Variants in NKX2-1 observed in about 807,000 individuals in gnomAD.
The protein encoded by NKX2-1 is homeobox protein Nkx-2.1.
Under a neutral mutation model 35.1 loss-of-function variants are expected in NKX2-1, and 9 were observed. The ratio of observed to expected loss-of-function variants is 0.26; its 90% CI spans 0.15 to 0.45. The LOEUF (loss-of-function observed/expected upper bound fraction) is 0.45, where lower values mean the gene tolerates loss of function less well. Among genes scored for constraint, NKX2-1 ranks in the 20% least tolerant of loss-of-function variants. The pLI is 1.00. For synonymous variants in NKX2-1, 284 were observed against 269.9 expected, an observed-to-expected ratio of 1.05 and a Z score of -0.51; for missense variants, 509 against 589.1, an observed-to-expected ratio of 0.86 and a Z score of 1.41.
In NKX2-1 at chr14:36,517,381, G is replaced by A; in HGVS notation, c.1103C>T (p.Ala368Val). 6.2e-7 allele frequency: 1 copy of A among 1,602,784 alleles called. No individual in the cohort carries two copies. Among genetic ancestry groups the A allele is most frequent in the African/African-American group, 1.3e-5 (1 of 74,836 alleles). The change falls in exon 3 of 3, where the codon GCG becomes GTG. Residue 368 changes from alanine (A) to valine (V), a missense_variant. By Grantham distance (64) the Ala-to-Val change is moderately conservative. This residue lies in a region of NKX2-1 where 212 missense variants were observed against 227.7 expected (regional missense o/e 0.93). Coordinates refer to ENST00000354822, the MANE Select transcript of NKX2-1 (RefSeq NM_001079668.3). Reference protein sequence around the residue: ...PDLAHHAASPAALQGQVSSLS... With the variant: ...PDLAHHAASPVALQGQVSSLS... The stretch of plus-strand genomic sequence containing the variant: ...GCTGGATACCTGGCCCTGCAGCGCC[G>A]CGGGGCTGGCGGCGTGGTGCGCCAG...
chr14:36,518,206 C>T (rs920535275), intron 2 of NKX2-1, among the ~76,000 whole-genome samples, 186 bp from the exon 3 acceptor site: 9 of 152,084 alleles, frequency 5.9e-5, no homozygotes, highest in Non-Finnish European at 1.2e-4. Context: ...GCCGTACCGT[C>T]GAGGGGGCTG....
In NKX2-1 at chr14:36,517,632, C is replaced by T. The variant is rs996063611; in HGVS notation, c.852G>A (p.Ser284=). The T allele has an allele frequency of 1.0e-5, 16 of 1,538,908 alleles. No individual in the cohort carries two copies. The highest frequency in any genetic ancestry group is 1.3e-5 in the Non-Finnish European group (15 of 1,144,532). Residue 284 remains serine (S), a synonymous_variant, in exon 3 of 3, where the codon TCG becomes TCA. Coordinates refer to ENST00000354822, the MANE Select transcript of NKX2-1 (RefSeq NM_001079668.3). ...CPQQQQAQQQ[S]PRRVAVPVLV... ...GGACCGGCACCGCCACGCGTCGCGG[C>T]GACTGCTGCTGAGCCTGTTGCTGCT...
chr14:36,519,496 G>GT (rs1881243047), intron 1 of NKX2-1, 126 bp from the exon 2 acceptor site: 6 of 1,540,520 alleles, frequency 3.9e-6, no homozygotes, highest in Non-Finnish European at 5.2e-6. Context: ...GGATGTACAC[G>GT]TAACGGAGTG....
intron 2 of NKX2-1, among the ~76,000 whole-genome samples, chr14:36,518,701 C>T (rs1027689303): frequency 6.6e-6 from 1 of 152,200 alleles, no homozygotes; most frequent in Non-Finnish European, 1.5e-5. Flanking sequence ...CTTGGCTCCC[C>T]GAGGTCTTCT....
chr14:36,519,409 G>T, intron 1 of NKX2-1, 39 bp from the exon 2 acceptor site: 1 of 1,611,380 alleles, frequency 6.2e-7, no homozygotes. Context: ...AAAGGGAGAG[G>T]GGGAAGGCGA....
At chr14:36,518,852 G>T in intron 2 of NKX2-1, 133 bp downstream of exon 2, 1 of 1,214,374 alleles carries the variant, frequency 8.2e-7, no homozygotes, top group Non-Finnish European at 1.1e-6. Context: ...CCGCACCCAA[G>T]TCCCTGGCGC....
At chr14:36,519,625 G>C in intron 1 of NKX2-1, 4 of 1,530,942 alleles carry the variant, frequency 2.6e-6, no homozygotes, top group Admixed American at 2.0e-5. Flanking sequence ...AAAGCAACAA[G>C]ACAATAGAAG....
intron 2 of NKX2-1, among the ~76,000 whole-genome samples, chr14:36,518,458 C>T (rs1326855711): frequency 6.6e-6 from 1 of 152,134 alleles, no homozygotes; most frequent in Non-Finnish European, 1.5e-5. Flanking sequence ...AAAGCTGGAG[C>T]CCCCAGACGC....
chr14:36,519,363 G>T lies in NKX2-1; in HGVS notation c.85C>A (p.Arg29=). 6.2e-7 allele frequency: 1 copy of T among 1,613,014 alleles called. No homozygotes were observed. Among genetic ancestry groups the T allele is most frequent in the Non-Finnish European group, 8.5e-7 (1 of 1,180,016 alleles). Residue 29 remains arginine, a synonymous_variant, in exon 2 of 3, where the codon CGA becomes AGA. Coordinates refer to ENST00000354822, the MANE Select transcript of NKX2-1 (RefSeq NM_001079668.3). ...RSSPGRLSRR[R]IMSMSPKHTT... is the part of the protein sequence containing the mutation. ...TGCTTTGGACTCATCGACATGATTCGGCGGCGGCTGGAGGAGGAAGGAAGA... is the reference window on the plus strand; with the variant it reads ...TGCTTTGGACTCATCGACATGATTCTGCGGCGGCTGGAGGAGGAAGGAAGA...
rs200871832 is a variant in NKX2-1 at position 36,517,094 on chromosome 14, G to GT, written c.*183_*184insA. 1.4e-5 allele frequency: 16 copies of GT among 1,107,692 alleles called. No individual in the cohort carries two copies. The highest frequency in any genetic ancestry group is 1.9e-5 in the Non-Finnish European group (16 of 830,930). The allele number at this position is 1,107,692 out of a possible 1,614,324, so 68.6% of individuals were successfully genotyped here. The stretch of plus-strand genomic sequence containing the variant: ...AAAAAAAAAACCCACAAATTTTAGG[G>GT]GGGGAAAAAAAGAAAGACGTCCAGC... On this transcript the variant is annotated 3_prime_UTR_variant, in exon 3 of 3. Coordinates refer to ENST00000354822, the MANE Select transcript of NKX2-1 (RefSeq NM_001079668.3).
Position 36,520,103 on chromosome 14 carries a change from C to A in NKX2-1, c.27G>T (p.Ala9=), listed in dbSNP as rs1881284221. ...CTCCCGCCGCGGCCTCCCAGCCCCG[C>A]GCCTTCCCACTGCCTCCGGACCACA... The part of the protein sequence containing the change: MWSGGSGK[A]RGWEAAAGGR... Residue 9 remains alanine (A), a synonymous_variant, in exon 1 of 3, where the codon GCG becomes GCT. Transcript: ENST00000354822. 1.2e-6 allele frequency: 2 copies of A among 1,613,210 alleles called. No homozygotes were observed. The highest frequency in any genetic ancestry group is 1.7e-6 in the Non-Finnish European group (2 of 1,179,916).
At chr14:36,518,700 C>T (rs1881179978) in intron 2 of NKX2-1, among the ~76,000 whole-genome samples, 1 of 152,204 alleles carries the variant, frequency 6.6e-6, no homozygotes, top group Non-Finnish European at 1.5e-5. Flanking sequence ...CCTTGGCTCC[C>T]CGAGGTCTTC....
Position 36,518,965 on chromosome 14 carries a change from A to G in NKX2-1, c.463+20T>C. On this transcript the variant is annotated intron_variant, in intron 2 of 2. Transcript: ENST00000354822. ...TCCTGAGCTCAGCCCGCGGCCCCGC[A>G]GTGGGGCGGCCTCACTTACTGGCGG... 1 of 1,555,364 alleles carries G rather than the reference A, an allele frequency of 6.4e-7. No homozygotes were observed. Among genetic ancestry groups the G allele is most frequent in the Non-Finnish European group, 8.6e-7 (1 of 1,157,114 alleles).
chr14:36,519,351 T>A lies in NKX2-1; in HGVS notation c.97A>T (p.Met33Leu). ...AACGGAGTCGTGTGCTTTGGACTCA[T>A]CGACATGATTCGGCGGCGGCTGGAG... Reference protein sequence around the residue: ...GRLSRRRIMSMSPKHTTPFSV... With the variant: ...GRLSRRRIMSLSPKHTTPFSV... Residue 33 changes from methionine (M) to leucine (L), a missense_variant, in exon 2 of 3, where the codon ATG becomes TTG. Met to Leu is a conservative substitution (Grantham distance 15). This residue lies in a region of NKX2-1 where 271 missense variants were observed against 284.1 expected (regional missense o/e 0.95). Coordinates refer to ENST00000354822, the MANE Select transcript of NKX2-1 (RefSeq NM_001079668.3). 1.2e-6 allele frequency: 2 copies of A among 1,612,780 alleles called. No homozygotes were observed. The highest frequency in any genetic ancestry group is 1.7e-6 in the Non-Finnish European group (2 of 1,179,964).
chr14:36,518,885 A>G (rs2139410860), intron 2 of NKX2-1, 100 bp downstream of exon 2: 1 of 1,360,082 alleles, frequency 7.4e-7, no homozygotes, highest in Non-Finnish European at 9.5e-7. Context: ...GCCCTCCCTG[A>G]TGCCCAGCGC....
At chr14:36,518,158 G>C in intron 2 of NKX2-1, 138 bp from the exon 3 acceptor site, 1 of 1,238,506 alleles carries the variant, frequency 8.1e-7, no homozygotes. Flanking sequence ...TGGGGCCCAA[G>C]AGGCCCATCC....
Position 36,517,836 on chromosome 14 carries a change from C to G in NKX2-1, c.648G>C (p.Leu216=). ...LERRFKQQKY[L]SAPEREHLAS... ...CCAGGTGCTCGCGCTCCGGCGCCGA[C>G]AGGTACTTCTGTTGCTTGAAGCGTC... Residue 216 remains leucine (L), a synonymous_variant, in exon 3 of 3, where the codon CTG becomes CTC. Coordinates refer to ENST00000354822, the MANE Select transcript of NKX2-1 (RefSeq NM_001079668.3). The G allele has an allele frequency of 6.2e-7, 1 of 1,612,536 alleles. No individual in the cohort carries two copies. Among genetic ancestry groups the G allele is most frequent in the Non-Finnish European group, 8.5e-7 (1 of 1,179,582 alleles).
chr14:36,517,067 T>TTTA lies in NKX2-1; in HGVS notation c.*210_*211insTAA. On this transcript the variant is annotated 3_prime_UTR_variant, in exon 3 of 3. Transcript: ENST00000354822. ...TTGGTTGTTTTTCATTTTCTTTTTT[T>TTTA]AAAAAAAAAAACCCACAAATTTTAG... is the stretch of plus-strand genomic sequence containing the variant. The TTTA allele has an allele frequency of 4.6e-6, 4 of 874,550 alleles. No homozygotes were observed. The highest frequency in any genetic ancestry group is 3.6e-5 in the Admixed American group (1 of 27,602). The allele number at this position is 874,550 out of a possible 1,614,324, so 54.2% of individuals were successfully genotyped here.
Position 36,517,497 on chromosome 14 carries a change from C to G in NKX2-1, c.987G>C (p.Ala329=). 4 of 1,348,058 alleles carry G rather than the reference C, an allele frequency of 3.0e-6. No homozygotes were observed. Among genetic ancestry groups the G allele is most frequent in the Non-Finnish European group, 3.8e-6 (4 of 1,056,434 alleles). The allele number at this position is 1,348,058 out of a possible 1,614,324, so 83.5% of individuals were successfully genotyped here. A position where few individuals can be genotyped will look rare whatever the true frequency, so the allele number is the denominator to read the frequency against. ...QAQHQAQAAQ[A]AAAAISVGSG... ...TGCCCACGGAGATGGCCGCTGCCGC[C>G]GCCTGCGCGGCCTGCGCCTGGTGCT... The change falls in exon 3 of 3, where the codon GCG becomes GCC. Residue 329 remains alanine, a synonymous_variant. Coordinates refer to ENST00000354822, the MANE Select transcript of NKX2-1 (RefSeq NM_001079668.3).
Sources: allele counts gnomAD v4.1 joint callset (sites outside exome capture counted in the v4.1 genomes callset), GRCh38; gene constraint gnomAD v4.1.1; regional missense constraint gnomAD v4.1.1; transcripts MANE v1.5; gene names NCBI Gene and HGNC (gene_info 2026-07-23, HGNC 2026-07-21).